The following ABHD8 variants were observed in gnomAD, a reference collection of about 807,000 sequenced individuals.
The protein encoded by ABHD8 is abhydrolase domain containing 8, also known as protein ABHD8.
In ABHD8, 10 loss-of-function variants were observed where a neutral mutation model predicts 29.3. That is an observed-to-expected ratio of 0.34 (90% CI 0.21 to 0.58). The LOEUF is 0.58. Among genes scored for constraint, ABHD8 ranks in the 20% least tolerant of loss-of-function variants. ABHD8 has a pLI of 0.85. For synonymous variants in ABHD8, 282 were observed against 274.6 expected (o/e 1.03, Z -0.27); for missense variants, 556 against 615.3 (o/e 0.90, Z 1.02).
In ABHD8 at chr19:17,292,447, G is replaced by A. The variant is rs1036421765; in HGVS notation, c.*214C>T. On this transcript the variant is annotated 3_prime_UTR_variant, in exon 5 of 5. Transcript: ENST00000247706. ...CCGGCTGCGGCCCCAAAACGCCGAT[G>A]GGCCCCGCGGGACGGAAGCGGAGAG... is the stretch of plus-strand genomic sequence containing the variant. The A allele has an allele frequency of 1.8e-6, 1 of 567,566 alleles. No individual in the cohort carries two copies. The highest frequency in any genetic ancestry group is 2.0e-5 in the African/African-American group (1 of 50,164). 35.2% of individuals were successfully genotyped at this position (567,566 alleles called of 1,614,324 possible).
intron 2 of ABHD8, 46 bp downstream of exon 2, chr19:17,300,810 C>G: frequency 6.5e-7 from 1 of 1,541,072 alleles, no homozygotes; most frequent in African/African-American, 1.4e-5. Flanking sequence ...GTAGTCCCTG[C>G]TGACCCCATC....
intron 2 of ABHD8, among the ~76,000 whole-genome samples, chr19:17,296,859 T>A (rs1244599274): frequency 6.6e-6 from 1 of 152,064 alleles, no homozygotes; most frequent in Non-Finnish European, 1.5e-5. Context: ...TATGCCCGGC[T>A]AATTTTTGTA....
At chr19:17,295,266 C>G (rs62126250) in intron 2 of ABHD8, among the ~76,000 whole-genome samples, 2 of 151,300 alleles carry the variant, frequency 1.3e-5, no homozygotes, top group African/African-American at 4.9e-5. Flanking sequence ...CCACCGCGCC[C>G]GGCTAATTTT....
chr19:17,293,759 G>A (rs1452392765), intron 4 of ABHD8, among the ~76,000 whole-genome samples: 1 of 151,242 alleles, frequency 6.6e-6, no homozygotes, highest in Non-Finnish European at 1.5e-5. Flanking sequence ...AGTGGTGCGA[G>A]CATGGCTCAC....
In ABHD8 at chr19:17,301,091, C is replaced by T. The variant is rs755933630; in HGVS notation, c.526G>A (p.Val176Met). The change falls in exon 2 of 5, where the codon GTG becomes ATG. Residue 176 changes from valine (V) to methionine (M), a missense_variant. This residue lies in a region of ABHD8 where 286 missense variants were observed against 261.4 expected (regional missense o/e 1.09). Coordinates refer to ENST00000247706, the MANE Select transcript of ABHD8 (RefSeq NM_024527.5). ...ITSCKGAQAD[V>M]VLFFIHGVGG... is the part of the protein sequence containing the mutation. ...ACACCATGGATGAAAAAGAGCACCA[C>T]GTCGGCCTGGGCGCCTTTGCAGCTA... 2.5e-6 allele frequency: 4 copies of T among 1,613,370 alleles called. No individual in the cohort carries two copies. Among genetic ancestry groups the T allele is most frequent in the African/African-American group, 1.3e-5 (1 of 74,962 alleles).
Position 17,301,267 on chromosome 19 carries a change from A to T in ABHD8, c.350T>A (p.Leu117Gln). ...CGCCGGATCTGCCAGCTCCACCTCCAGGGCGGCCGGCGGCTCCCCAGAGCC... is the reference window on the plus strand; with the variant it reads ...CGCCGGATCTGCCAGCTCCACCTCCTGGGCGGCCGGCGGCTCCCCAGAGCC... ...QNGSGEPPAALEVELADPAGS... is the reference protein window; with the variant it reads ...QNGSGEPPAAQEVELADPAGS... Residue 117 changes from leucine to glutamine, a missense_variant, in exon 2 of 5, where the codon CTG (leucine) becomes CAG (glutamine). Leu to Gln is a moderately radical substitution (Grantham distance 113). Around this residue, in one of 2 missense-constraint regions of ABHD8, gnomAD observed 286 missense variants for 261.4 expected, o/e 1.09. Transcript: ENST00000247706. 1 of 1,602,984 alleles carries T rather than the reference A, an allele frequency of 6.2e-7. No homozygotes were observed.
rs759741263 is a variant in ABHD8 at position 17,294,362 on chromosome 19, T to A, written c.1075A>T (p.Thr359Ser). 1 of 1,613,684 alleles carries A rather than the reference T, an allele frequency of 6.2e-7. No homozygotes were observed. Among genetic ancestry groups the A allele is most frequent in the Non-Finnish European group, 8.5e-7 (1 of 1,179,982 alleles). Residue 359 changes from threonine (T) to serine (S), a missense_variant, in exon 4 of 5, where the codon ACC (threonine) becomes TCC (serine). Around this residue, in one of 2 missense-constraint regions of ABHD8, gnomAD observed 270 missense variants for 353.9 expected, o/e 0.76. Coordinates refer to ENST00000247706, the MANE Select transcript of ABHD8 (RefSeq NM_024527.5). ...EGDEVYHAEL[T>S]VPVLLVHGMH... is the part of the protein sequence containing the mutation. ...CCGTGGACAAGCAGGACGGGCACGG[T>A]GAGCTCGGCGTGGTAGACCTCGTCG...
chr19:17,299,959 GCACAA>G (rs2074110254), intron 2 of ABHD8, among the ~76,000 whole-genome samples: 1 of 149,816 alleles, frequency 6.7e-6, no homozygotes. Context: ...GAGTGCAGTG[GCACAA>G]TATGATCTTG....
At chr19:17,299,733 G>A (rs1278476615) in intron 2 of ABHD8, among the ~76,000 whole-genome samples, 2 of 151,634 alleles carry the variant, frequency 1.3e-5, no homozygotes, top group East Asian at 3.9e-4. Context: ...TTTTAAAAAT[G>A]TAAAAATTAA....
rs2074113408 is a variant in ABHD8 at position 17,300,713 on chromosome 19, G to T, written c.761+143C>A. The T allele has an allele frequency of 4.6e-6, 5 of 1,080,806 alleles. No homozygotes were observed. The South Asian group carries it at 8.0e-5, about 17-fold the overall frequency. 67.0% of individuals were successfully genotyped at this position (1,080,806 alleles called of 1,614,324 possible). A position where few individuals can be genotyped will look rare whatever the true frequency, so the allele number is the denominator to read the frequency against. ...GACTGTTCCCGAACTCCCAACCTCA[G>T]GTGATCCGCCTGCCTCGGCCTCCCA... On this transcript the variant is annotated intron_variant, in intron 2 of 4. Transcript: ENST00000247706.
chr19:17,294,498 G>C lies in ABHD8; in HGVS notation c.939C>G (p.Gly313=). 1 of 1,613,830 alleles carries C rather than the reference G, an allele frequency of 6.2e-7. No homozygotes were observed. Among genetic ancestry groups the C allele is most frequent in the Admixed American group, 1.7e-5 (1 of 60,032 alleles). The change falls in exon 4 of 5, where the codon GGC becomes GGG. Residue 313 remains glycine, a synonymous_variant. Coordinates refer to ENST00000247706, the MANE Select transcript of ABHD8 (RefSeq NM_024527.5). Reference sequence around the variant, plus strand: ...TCTCCTTGGCTCCTTGGCGGGCGAAGCCGGCCCTGGTGGTGGTGGAGGCAC... The same window carrying C: ...TCTCCTTGGCTCCTTGGCGGGCGAACCCGGCCCTGGTGGTGGTGGAGGCAC... The part of the protein sequence containing the change: ...PCLAWSFLKA[G]FARQGAKEKQ...
chr19:17,301,903 C>A (rs2074121893), intron 1 of ABHD8, among the ~76,000 whole-genome samples: 1 of 152,134 alleles, frequency 6.6e-6, no homozygotes, highest in African/African-American at 2.4e-5. Flanking sequence ...AAGCGATTCT[C>A]TTGCCTCAGC....
At position 17,301,520 on chromosome 19, in the gene ABHD8, A is replaced by G; in HGVS notation, c.97T>C (p.Tyr33His). 1 of 1,610,934 alleles carries G rather than the reference A, an allele frequency of 6.2e-7. No homozygotes were observed. Among genetic ancestry groups the G allele is most frequent in the Non-Finnish European group, 8.5e-7 (1 of 1,179,142 alleles). The change falls in exon 2 of 5, where the codon TAC (tyrosine) becomes CAC (histidine). Residue 33 changes from tyrosine to histidine, a missense_variant. Transcript: ENST00000247706. ...CCGGGCTTGACCTCTACAAAGGTGT[A>G]GCCATCGCTGGACTCGACGCTCTCC... ...PLESVESSDG[Y>H]TFVEVKPGRV...
rs1363674080 is a variant in ABHD8, at chr19:17,302,176, G to C, written c.-8-552C>G. 3.9e-5 allele frequency: 6 copies of C among 152,232 alleles called. 1 individual carries two copies. The highest frequency in any genetic ancestry group is 3.9e-4 in the Admixed American group (6 of 15,258). 9.4% of individuals were successfully genotyped at this position (152,232 alleles called of 1,614,324 possible). A position where few individuals can be genotyped will look rare whatever the true frequency, so the allele number is the denominator to read the frequency against. On this transcript the variant is annotated intron_variant, in intron 1 of 4. Transcript: ENST00000247706. The stretch of plus-strand genomic sequence containing the variant: ...TCCTCAGAGAGAAAGACTTGGCTAT[G>C]GCTTACCCCACAGGGTGTCCACAGG...
Position 17,294,488 on chromosome 19 carries a change from G to C in ABHD8, c.949C>G (p.Gln317Glu), listed in dbSNP as rs1371071198. Residue 317 changes from glutamine to glutamate, a missense_variant, in exon 4 of 5, where the codon CAA becomes GAA. Gln to Glu is a conservative substitution (Grantham distance 29). Around this residue, in one of 2 missense-constraint regions of ABHD8, gnomAD observed 270 missense variants for 353.9 expected, o/e 0.76. Coordinates refer to ENST00000247706, the MANE Select transcript of ABHD8 (RefSeq NM_024527.5). ...WSFLKAGFAR[Q>E]GAKEKQLLKE... ...AACAGCTGCTTCTCCTTGGCTCCTT[G>C]GCGGGCGAAGCCGGCCCTGGTGGTG... 29 of 1,613,972 alleles carry C rather than the reference G, an allele frequency of 1.8e-5. No individual in the cohort carries two copies. Among genetic ancestry groups the C allele is most frequent in the Non-Finnish European group, 2.5e-5 (29 of 1,179,994 alleles).
At chr19:17,299,512 G>A (rs2145657412) in intron 2 of ABHD8, among the ~76,000 whole-genome samples, 1 of 139,324 alleles carries the variant, frequency 7.2e-6, no homozygotes, top group Middle Eastern at 4.2e-3. Flanking sequence ...AGTGAGCCAG[G>A]ATCACGCCAC....
intron 2 of ABHD8, 130 bp from the exon 3 acceptor site, chr19:17,294,975 A>T (rs974881551): frequency 7.0e-6 from 8 of 1,136,432 alleles, no homozygotes; most frequent in Non-Finnish European, 9.9e-6. Flanking sequence ...CCAGGCTGGA[A>T]TGCAGTGGCT....
intron 4 of ABHD8, among the ~76,000 whole-genome samples, chr19:17,293,098 CTTTT>C (rs71334701): frequency 7.4e-6 from 1 of 136,002 alleles, no homozygotes. Context: ...TCTTTTCTTT[CTTTT>C]TTTTTTTTTT....
Position 17,292,205 on chromosome 19 carries a change from C to A in ABHD8, c.*456G>T, listed in dbSNP as rs561401217. 1.1e-3 allele frequency: 220 copies of A among 196,898 alleles called. No homozygotes were observed. The highest frequency in any genetic ancestry group is 1.7e-3 in the Non-Finnish European group (166 of 97,596). 12.2% of individuals were successfully genotyped at this position (196,898 alleles called of 1,614,324 possible). A position where few individuals can be genotyped will look rare whatever the true frequency, so the allele number is the denominator to read the frequency against. ...CGGTGGCGCCAGCCCCCCCATCCCC[C>A]CCCCTTGGGCAAAAATAGCTCCCAG... On this transcript the variant is annotated 3_prime_UTR_variant, in exon 5 of 5. Coordinates refer to ENST00000247706, the MANE Select transcript of ABHD8 (RefSeq NM_024527.5).
Sources: gnomAD v4.1 joint callset for allele counts (sites outside exome capture counted in the v4.1 genomes callset) on GRCh38, gnomAD v4.1.1 for gene constraint, gnomAD v4.1.1 regional missense constraint, MANE v1.5 for transcripts, NCBI Gene and HGNC (gene_info 2026-07-23, HGNC 2026-07-21) for gene names.